Variants in VPS13D observed in about 807,000 individuals in gnomAD.
The protein encoded by VPS13D is intermembrane lipid transfer protein VPS13D.
A neutral mutation model predicts 461.9 loss-of-function variants in VPS13D; 187 were observed. The ratio of observed to expected loss-of-function variants is 0.40; its 90% confidence interval spans 0.36 to 0.46. The LOEUF is 0.46. VPS13D is among the 20% of genes least tolerant of loss of function. The pLI is 0.60. For missense variants in VPS13D, 4,711 were observed against 5,364.9 expected (o/e 0.88, Z 3.81); for synonymous variants, 1,951 against 1,986.3 (o/e 0.98, Z 0.47).
At chr1:12,259,383 T>A (rs1330975926) in intron 10 of VPS13D, among the ~76,000 whole-genome samples, 1 of 151,476 alleles carries the variant, frequency 6.6e-6, no homozygotes. Flanking sequence ...TGGTGCAATC[T>A]TGGCTCACTG....
intron 65 of VPS13D, among the ~76,000 whole-genome samples, chr1:12,428,096 A>G (rs958585033): frequency 6.6e-6 from 1 of 152,232 alleles, no homozygotes; most frequent in Non-Finnish European, 1.5e-5. Context: ...AGGACATTAC[A>G]TTAAGTAATT....
At chr1:12,317,220 C>A (rs971447200) in intron 30 of VPS13D, among the ~76,000 whole-genome samples, 10 of 152,144 alleles carry the variant, frequency 6.6e-5, no homozygotes, top group Admixed American at 3.3e-4. Flanking sequence ...TGAAATAGCC[C>A]ATAGGGAAAG....
chr1:12,306,902 C>G (rs1353623884), intron 26 of VPS13D, among the ~76,000 whole-genome samples: 2 of 152,132 alleles, frequency 1.3e-5, no homozygotes, highest in Non-Finnish European at 2.9e-5. Flanking sequence ...CTAATCCCAC[C>G]GCTGATCTGA....
intron 27 of VPS13D, among the ~76,000 whole-genome samples, chr1:12,311,085 T>A (rs1642735536): frequency 6.6e-6 from 1 of 151,902 alleles, no homozygotes; most frequent in Non-Finnish European, 1.5e-5. Flanking sequence ...CCAGTTAATT[T>A]TTGCATTTTT....
At position 12,291,009 on chromosome 1, in the gene VPS13D, G is replaced by A; in HGVS notation, c.5737G>A (p.Ala1913Thr). The change falls in exon 23 of 70, where the codon GCC becomes ACC. Residue 1913 changes from alanine (A) to threonine (T), a missense_variant. Transcript: ENST00000620676. ...TTTATCATCCCTAGAGGGAGACCTG[G>A]CCTTACAGGGCAGCATTGGGAGTCT... ...AHLEMIEGDL[A>T]LQGSIGSLSL... 4.3e-6 allele frequency: 7 copies of A among 1,611,002 alleles called. No individual in the cohort carries two copies. The highest frequency in any genetic ancestry group is 5.9e-6 in the Non-Finnish European group (7 of 1,179,128).
intron 40 of VPS13D, among the ~76,000 whole-genome samples, chr1:12,339,504 G>A (rs1643521445): frequency 6.6e-6 from 1 of 152,144 alleles, no homozygotes; most frequent in Non-Finnish European, 1.5e-5. Flanking sequence ...ACTTGGATAC[G>A]GGTAGCTTTA....
chr1:12,254,967 A>G (rs1475329114), intron 7 of VPS13D, among the ~76,000 whole-genome samples: 1 of 145,924 alleles, frequency 6.9e-6, no homozygotes, highest in African/African-American at 2.6e-5. Context: ...TTTTTTTGAG[A>G]CGGCATCTCG....
In VPS13D at chr1:12,277,375, G is replaced by T; in HGVS notation, c.3787G>T (p.Asp1263Tyr). ...TGAATCTGTGTTTGTCAGAATGGAA[G>T]ATGCAGCCCTCACTGAAGCTTTGAG... Reference protein sequence around the residue: ...YFESVFVRMEDAALTEALSFT... With the variant: ...YFESVFVRMEYAALTEALSFT... Residue 1263 changes from aspartate (D) to tyrosine (Y), a missense_variant, in exon 19 of 70, where the codon GAT becomes TAT. Around this residue, in one of 3 missense-constraint regions of VPS13D, gnomAD observed 4,411 missense variants for 4,937.8 expected, o/e 0.89. Transcript: ENST00000620676. The T allele has an allele frequency of 6.2e-7, 1 of 1,614,220 alleles. No individual in the cohort carries two copies. The highest frequency in any genetic ancestry group is 8.5e-7 in the Non-Finnish European group (1 of 1,180,040).
chr1:12,404,166 TAA>T (rs75598248), intron 63 of VPS13D, among the ~76,000 whole-genome samples, 193 bp downstream of exon 63: 7 of 123,170 alleles, frequency 5.7e-5, no homozygotes, highest in Middle Eastern at 4.0e-3. Flanking sequence ...TATTTGTCTT[TAA>T]AAAAAAAAAA....
At chr1:12,436,309 A>G (rs867048784) in intron 65 of VPS13D, among the ~76,000 whole-genome samples, 3 of 152,324 alleles carry the variant, frequency 2.0e-5, no homozygotes, top group Non-Finnish European at 2.9e-5. Context: ...CCGGTGCCCA[A>G]TCCTGAAGTC....
At chr1:12,363,278 A>C (rs774358961) in intron 52 of VPS13D, 31 bp downstream of exon 52, 1 of 1,607,598 alleles carries the variant, frequency 6.2e-7, no homozygotes, top group Non-Finnish European at 8.5e-7. Context: ...ATAGACAAAA[A>C]GGTAGCCCCT....
intron 13 of VPS13D, 123 bp downstream of exon 13, chr1:12,262,203 G>GGT: frequency 9.5e-7 from 1 of 1,057,938 alleles, no homozygotes; most frequent in Non-Finnish European, 1.3e-6. Context: ...ATTAGCTAAT[G>GGT]TGGAACCATT....
Position 12,311,544 on chromosome 1 carries a change from C to G in VPS13D, c.6741C>G (p.Ile2247Met). The change falls in exon 28 of 70, where the codon ATC (isoleucine) becomes ATG (methionine). Residue 2247 changes from isoleucine (I) to methionine (M), a missense_variant. By Grantham distance (10) the Ile-to-Met change is conservative (BLOSUM62 1). Coordinates refer to ENST00000620676, the MANE Select transcript of VPS13D (RefSeq NM_015378.4). ...CSLDLYKYKL[I>M]RGLLENNLGE... ...TGGATCTGTATAAATACAAGCTGAT[C>G]CGCGGCTTATTAGAGAACAACCTGG... 1.2e-6 allele frequency: 2 copies of G among 1,614,164 alleles called. No individual in the cohort carries two copies. The highest frequency in any genetic ancestry group is 1.7e-6 in the Non-Finnish European group (2 of 1,180,028).
At chr1:12,440,341 C>T (rs1199090662) in intron 65 of VPS13D, among the ~76,000 whole-genome samples, 1 of 152,130 alleles carries the variant, frequency 6.6e-6, no homozygotes, top group Non-Finnish European at 1.5e-5. Flanking sequence ...GTGTAGAACA[C>T]TCTTAAAAGA....
intron 67 of VPS13D, among the ~76,000 whole-genome samples, chr1:12,477,551 G>A (rs1361377215): frequency 6.6e-6 from 1 of 152,136 alleles, no homozygotes; most frequent in Non-Finnish European, 1.5e-5. Context: ...CTCCTCTTGG[G>A]CTAAACTCTA....
intron 63 of VPS13D, among the ~76,000 whole-genome samples, chr1:12,414,507 C>T (rs1300134311): frequency 6.6e-6 from 1 of 152,152 alleles, no homozygotes; most frequent in East Asian, 1.9e-4. Context: ...TGAGAAGCCA[C>T]CTACAACGAA....
intron 68 of VPS13D, among the ~76,000 whole-genome samples, chr1:12,497,878 A>G (rs116522279): frequency 0.025 from 3,836 of 152,310 alleles, 129 homozygotes; most frequent in Admixed American, 0.1. Context: ...CTAGAAAATG[A>G]CAGTCTCTTT....
Position 12,396,636 on chromosome 1 carries a change from A to G in VPS13D, c.11635-3545A>G, listed in dbSNP as rs1421555126. On this transcript the variant is annotated intron_variant, in intron 60 of 69. Transcript: ENST00000620676. The stretch of plus-strand genomic sequence containing the variant: ...TACATCCTTACTGGGAGTGTGTGCA[A>G]TGTGTCTCCCATGACTGGGGCTCCT... 3.3e-5 allele frequency among the ~76,000 whole-genome samples: 5 copies of G among 152,078 alleles called. No homozygotes were observed. In the South Asian group the frequency reaches 6.2e-4, roughly 19 times the overall value.
At chr1:12,303,770 A>G (rs1448538343) in intron 25 of VPS13D, among the ~76,000 whole-genome samples, 1 of 152,246 alleles carries the variant, frequency 6.6e-6, no homozygotes, top group Non-Finnish European at 1.5e-5. Flanking sequence ...CTGTGCAGAC[A>G]TGTAGCTCCG....
Sources: allele counts gnomAD v4.1 joint callset (sites outside exome capture counted in the v4.1 genomes callset), GRCh38; gene constraint gnomAD v4.1.1; regional missense constraint gnomAD v4.1.1; transcripts MANE v1.5; gene names NCBI Gene and HGNC (gene_info 2026-07-23, HGNC 2026-07-21).